Variants in FEZ2 observed in about 807,000 individuals in gnomAD.
The protein encoded by FEZ2 is fasciculation and elongation protein zeta-2.
In FEZ2, 51 loss-of-function variants were observed where a neutral mutation model predicts 40.4. That is an observed-to-expected ratio of 1.26 (90% confidence interval 1.01 to 1.59). The LOEUF (loss-of-function observed/expected upper bound fraction) is 1.59. Ranked by LOEUF, FEZ2 falls within the 40% of genes most tolerant of loss-of-function variation. The probability of loss-of-function intolerance (pLI) is 0.00; values close to 1 mark genes in which losing one functional copy is unlikely to be tolerated. For missense variants in FEZ2, 640 were observed against 438.3 expected, an observed-to-expected ratio of 1.46 and a Z score of -4.11; for synonymous variants, 242 against 172.0, an observed-to-expected ratio of 1.41 and a Z score of -3.18.
chr2:36,562,554 A>G (rs976059056), intron 5 of FEZ2, among the ~76,000 whole-genome samples: 11 of 152,356 alleles, frequency 7.2e-5, no homozygotes, highest in African/African-American at 2.4e-4. Flanking sequence ...GTTTTGCTTC[A>G]GCAAGAATCA....
intron 5 of FEZ2, among the ~76,000 whole-genome samples, chr2:36,567,890 C>T (rs921719282): frequency 1.3e-5 from 2 of 152,078 alleles, no homozygotes; most frequent in Admixed American, 6.6e-5. Flanking sequence ...AAACAGGAAA[C>T]GAGCTGTGTA....
At chr2:36,576,736 G>C (rs1668582423) in intron 5 of FEZ2, among the ~76,000 whole-genome samples, 1 of 152,204 alleles carries the variant, frequency 6.6e-6, no homozygotes, top group African/African-American at 2.4e-5. Flanking sequence ...TCTATTTCAA[G>C]ACCAATGAAG....
rs150014126 is a variant in FEZ2 at position 36,593,222 on chromosome 2, C to T, written c.267-2211G>A. Among the ~76,000 whole-genome samples the T allele has an allele frequency of 1.7e-3, 255 of 151,790 alleles. 10 individuals carry two copies. In the East Asian group the frequency reaches 0.045, roughly 27 times the overall value. On this transcript the variant is annotated intron_variant, in intron 1 of 7. Transcript: ENST00000405912. ...TCATGGTGGGAGACAAAAGGCACTTCTTACATGGTGGCAGCAAGAGAAAAG... is the reference window on the plus strand; with the variant it reads ...TCATGGTGGGAGACAAAAGGCACTTTTTACATGGTGGCAGCAAGAGAAAAG...
chr2:36,580,215 G>C (rs1319257620), intron 4 of FEZ2, among the ~76,000 whole-genome samples: 1 of 152,230 alleles, frequency 6.6e-6, no homozygotes, highest in Non-Finnish European at 1.5e-5. Flanking sequence ...TATCAGGACT[G>C]TATTTGGGAG....
At position 36,581,308 on chromosome 2, in the gene FEZ2, T is replaced by A. The variant is rs1668738166; in HGVS notation, c.616A>T (p.Thr206Ser). 6.2e-7 allele frequency: 1 copy of A among 1,613,878 alleles called. No individual in the cohort carries two copies. The highest frequency in any genetic ancestry group is 2.2e-5 in the East Asian group (1 of 44,874). ...QEIQTLKRSS[T>S]GSYEERVKRL... ...CCCTTACTCTCTTCATAACTGCCGG[T>A]ACTAGACCTCTTGAGAGTTTGAATT... The change falls in exon 4 of 8, where the codon ACC becomes TCC. Residue 206 changes from threonine (T) to serine (S), a missense_variant. Transcript: ENST00000405912.
intron 2 of FEZ2, 51 bp from the exon 3 acceptor site, chr2:36,583,520 A>C: frequency 1.1e-6 from 1 of 923,476 alleles, no homozygotes; most frequent in Non-Finnish European, 1.8e-6. Context: ...CATCAAAACA[A>C]AGTTAACAGC....
intron 3 of FEZ2, among the ~76,000 whole-genome samples, chr2:36,583,112 T>C (rs1386287721): frequency 6.6e-6 from 1 of 152,218 alleles, no homozygotes; most frequent in Non-Finnish European, 1.5e-5. Context: ...CTTTCCTTGG[T>C]ACCTTGCTAT....
intron 1 of FEZ2, among the ~76,000 whole-genome samples, chr2:36,591,942 C>T (rs1330997455): frequency 6.6e-6 from 1 of 152,094 alleles, no homozygotes; most frequent in Non-Finnish European, 1.5e-5. Flanking sequence ...AGTCCCAAAC[C>T]ACACCAGATA....
chr2:36,583,626 T>C (rs848619), intron 2 of FEZ2, among the ~76,000 whole-genome samples, 157 bp from the exon 3 acceptor site: 77,047 of 152,058 alleles, frequency 0.51, 21,433 homozygotes, highest in East Asian at 0.85. Context: ...GCAATGAGTA[T>C]ATATTCATCT....
intron 7 of FEZ2, among the ~76,000 whole-genome samples, chr2:36,553,954 T>G (rs539959631): frequency 7.2e-5 from 11 of 152,286 alleles, no homozygotes; most frequent in Admixed American, 2.6e-4. Context: ...GCATTTTCAA[T>G]GACCCGACTT....
chr2:36,583,443 T>C lies in FEZ2; in HGVS notation c.402A>G (p.Thr134=), dbSNP rs14291. The stretch of plus-strand genomic sequence containing the variant: ...GTTCTCTCAGCTCTTCATCATCTGA[T>C]GTATCAAAGAGCAAACTGTCACTTA... ...KGVSDSLLFD[T]SDDEELREQL... is the part of the protein sequence containing the mutation. The change falls in exon 3 of 8, where the codon ACA becomes ACG. Residue 134 remains threonine, a synonymous_variant. Coordinates refer to ENST00000405912, the MANE Select transcript of FEZ2 (RefSeq NM_005102.3). 0.39 allele frequency: 617,837 copies of C among 1,590,964 alleles called. 122,317 individuals are homozygous for C. Among genetic ancestry groups the C allele is most frequent in the Admixed American group, 0.51 (30,793 of 59,926 alleles).
intron 6 of FEZ2, chr2:36,556,420 C>T (rs1012103750): frequency 6.5e-6 from 1 of 153,446 alleles, no homozygotes; most frequent in African/African-American, 2.4e-5. Context: ...TAAGCTAGAC[C>T]ATTCAGGTTG....
intron 5 of FEZ2, chr2:36,558,793 G>A (rs1668020398): frequency 4.2e-6 from 1 of 240,620 alleles, no homozygotes; most frequent in Non-Finnish European, 7.9e-6. Flanking sequence ...TAAGTCTGAG[G>A]ATGGTTTACT....
At chr2:36,563,048 C>G (rs561675087) in intron 5 of FEZ2, among the ~76,000 whole-genome samples, 3 of 152,214 alleles carry the variant, frequency 2.0e-5, no homozygotes, top group Admixed American at 6.5e-5. Context: ...TTTTCGCAAT[C>G]AGAAAGCCAA....
chr2:36,598,123 C>G lies in FEZ2; in HGVS notation c.20G>C (p.Trp7Ser), dbSNP rs1433387811. The G allele has an allele frequency of 1.6e-5, 23 of 1,482,370 alleles. No individual in the cohort carries two copies. The highest frequency in any genetic ancestry group is 2.0e-5 in the Non-Finnish European group (23 of 1,124,074). 91.8% of individuals were successfully genotyped at this position (1,482,370 alleles called of 1,614,324 possible). A position where few individuals can be genotyped will look rare whatever the true frequency, so the allele number is the denominator to read the frequency against. The change falls in exon 1 of 8, where the codon TGG becomes TCG. Residue 7 changes from tryptophan (W) to serine (S), a missense_variant. Coordinates refer to ENST00000405912, the MANE Select transcript of FEZ2 (RefSeq NM_005102.3). MAADGD[W>S]QDFYEFQEPA... Reference sequence around the variant, plus strand: ...CTCCTGGAACTCATAGAAATCCTGCCAGTCCCCGTCCGCCGCCATCGCCGC... The same window carrying G: ...CTCCTGGAACTCATAGAAATCCTGCGAGTCCCCGTCCGCCGCCATCGCCGC...
In FEZ2 at chr2:36,583,362, C is replaced by T. The variant is rs768868471; in HGVS notation, c.483G>A (p.Thr161=). The T allele has an allele frequency of 2.2e-5, 34 of 1,559,684 alleles. No individual in the cohort carries two copies. Among genetic ancestry groups the T allele is most frequent in the African/African-American group, 2.7e-5 (2 of 73,856 alleles). ...AGGATCTCCTCTATACCTGGTCTGC[C>T]GTGAAGAGGGGTTCATCATTAACAC... ...VSCVNDEPLF[T]ADQVIEEIEE... The change falls in exon 3 of 8, where the codon ACG becomes ACA. Residue 161 remains threonine (T), a synonymous_variant. Transcript: ENST00000405912.
At chr2:36,593,178 G>T (rs532722852) in intron 1 of FEZ2, among the ~76,000 whole-genome samples, 1 of 152,338 alleles carries the variant, frequency 6.6e-6, no homozygotes, top group South Asian at 2.1e-4. Flanking sequence ...AGTTCCACAT[G>T]GCTGAGGAGG....
intron 3 of FEZ2, among the ~76,000 whole-genome samples, chr2:36,582,594 A>G (rs1361329165): frequency 6.6e-6 from 1 of 152,200 alleles, no homozygotes; most frequent in Non-Finnish European, 1.5e-5. Flanking sequence ...TAAGCACCAC[A>G]TTCTTCCCAC....
chr2:36,553,172 A>G lies in FEZ2; in HGVS notation c.1053T>C (p.Cys351=). ...AGATAAAGTTGCTGCTCTATGTAGGACACAGAACTAGAAGAAAAAGAGAAC... is the reference window on the plus strand; with the variant it reads ...AGATAAAGTTGCTGCTCTATGTAGGGCACAGAACTAGAAGAAAAAGAGAAC... ...LLTDYILKVL[C]PT is the part of the protein sequence containing the mutation. The change falls in exon 8 of 8, where the codon TGT becomes TGC. Residue 351 remains cysteine (C), a synonymous_variant. Transcript: ENST00000405912. 6.4e-7 allele frequency: 1 copy of G among 1,562,862 alleles called. No homozygotes were observed. The highest frequency in any genetic ancestry group is 1.4e-5 in the African/African-American group (1 of 73,840).
Sources: gnomAD v4.1 joint callset for allele counts (sites outside exome capture counted in the v4.1 genomes callset) on GRCh38, gnomAD v4.1.1 for gene constraint, MANE v1.5 for transcripts, NCBI Gene and HGNC (gene_info 2026-07-23, HGNC 2026-07-21) for gene names.